Variants in CREB5 observed in about 807,000 individuals in gnomAD.
CREB5 encodes cyclic AMP-responsive element-binding protein 5.
A neutral mutation model predicts 57.1 loss-of-function variants in CREB5; 19 were observed. That is an observed-to-expected ratio of 0.33 (90% CI 0.23 to 0.49). The LOEUF (loss-of-function observed/expected upper bound fraction) is 0.49, where lower values mean the gene tolerates loss of function less well. CREB5 is among the 20% of genes least tolerant of loss of function. The probability of loss-of-function intolerance (pLI) is 0.99; values close to 1 mark genes in which losing one functional copy is unlikely to be tolerated. For missense variants in CREB5, 579 were observed against 671.6 expected, an observed-to-expected ratio of 0.86 and a Z score of 1.52; for synonymous variants, 238 against 238.3, an observed-to-expected ratio of 1.00 and a Z score of 0.01.
At chr7:28,767,076 T>C (rs1270971406) in intron 7 of CREB5, among the ~76,000 whole-genome samples, 1 of 152,250 alleles carries the variant, frequency 6.6e-6, no homozygotes, top group Admixed American at 6.5e-5. Flanking sequence ...TTAAACTGCA[T>C]ACTAGGGGAA....
At chr7:28,334,353 C>T (rs1785773408) in intron 1 of CREB5, among the ~76,000 whole-genome samples, 1 of 151,988 alleles carries the variant, frequency 6.6e-6, no homozygotes, top group South Asian at 2.1e-4. Context: ...GACGGGGTTT[C>T]ACCATGTTGC....
intron 5 of CREB5, among the ~76,000 whole-genome samples, chr7:28,650,869 G>T (rs74863774): frequency 1.3e-5 from 2 of 152,186 alleles, no homozygotes; most frequent in East Asian, 3.9e-4. Flanking sequence ...TTGGACATTG[G>T]CATATTGGAT....
intron 5 of CREB5, among the ~76,000 whole-genome samples, chr7:28,636,578 A>G (rs1033524678): frequency 6.6e-6 from 1 of 152,194 alleles, no homozygotes; most frequent in Non-Finnish European, 1.5e-5. Context: ...TGTAAACTCC[A>G]TGATGATTGA....
intron 1 of CREB5, among the ~76,000 whole-genome samples, chr7:28,310,024 T>C (rs1785248541): frequency 6.6e-6 from 1 of 151,478 alleles, no homozygotes; most frequent in Non-Finnish European, 1.5e-5. Flanking sequence ...GTTCATGGAG[T>C]AGCTGCATTG....
chr7:28,672,925 TAA>T (rs1264488147), intron 5 of CREB5, among the ~76,000 whole-genome samples: 3 of 152,238 alleles, frequency 2.0e-5, no homozygotes, highest in Admixed American at 6.5e-5. Context: ...TCTTTTTCCA[TAA>T]ATTTGAAGTA....
chr7:28,766,307 C>G (rs1393020639), intron 7 of CREB5, among the ~76,000 whole-genome samples: 3 of 152,094 alleles, frequency 2.0e-5, no homozygotes, highest in African/African-American at 7.2e-5. Context: ...ACAAGCACCC[C>G]CTACTCTGGA....
chr7:28,551,007 A>G (rs1317817965), intron 4 of CREB5, among the ~76,000 whole-genome samples: 10 of 152,174 alleles, frequency 6.6e-5, no homozygotes, highest in Non-Finnish European at 1.5e-4. Flanking sequence ...TGAATACTTG[A>G]TGTGGATTTG....
chr7:28,356,989 G>A (rs962193653), intron 1 of CREB5, among the ~76,000 whole-genome samples: 1 of 151,604 alleles, frequency 6.6e-6, no homozygotes, highest in Non-Finnish European at 1.5e-5. Context: ...ATTATATAGC[G>A]GAGGAAGCTG....
chr7:28,356,013 G>C (rs960244433), intron 1 of CREB5, among the ~76,000 whole-genome samples: 2 of 152,204 alleles, frequency 1.3e-5, no homozygotes, highest in African/African-American at 4.8e-5. Context: ...TTGTTCCACT[G>C]AGTGACACTA....
chr7:28,529,745 C>A (rs1390776308), intron 4 of CREB5, among the ~76,000 whole-genome samples: 2 of 152,196 alleles, frequency 1.3e-5, no homozygotes, highest in Non-Finnish European at 2.9e-5. Context: ...CAAGTGAAAG[C>A]TGCACAGAGA....
At chr7:28,745,184 G>A (rs530883867) in intron 7 of CREB5, among the ~76,000 whole-genome samples, 8 of 152,250 alleles carry the variant, frequency 5.3e-5, no homozygotes, top group East Asian at 3.9e-4. Flanking sequence ...AGTTGTAGTC[G>A]CTCTTTCAAT....
At chr7:28,460,846 A>C (rs551568565) in intron 1 of CREB5, among the ~76,000 whole-genome samples, 11 of 152,186 alleles carry the variant, frequency 7.2e-5, no homozygotes, top group African/African-American at 2.6e-4. Context: ...GGAGAAAAGT[A>C]GTTGGAAAAG....
chr7:28,329,524 C>G (rs1785674882), intron 1 of CREB5, among the ~76,000 whole-genome samples: 1 of 152,222 alleles, frequency 6.6e-6, no homozygotes, highest in Non-Finnish European at 1.5e-5. Flanking sequence ...TCCCAAAAAT[C>G]AAAATGATAT....
At chr7:28,551,883 T>TTTTC (rs1321510790) in intron 4 of CREB5, among the ~76,000 whole-genome samples, 4 of 151,076 alleles carry the variant, frequency 2.6e-5, no homozygotes, top group East Asian at 1.9e-4. Context: ...TCTTTCTTTC[T>TTTTC]TTTCTTTCTT....
chr7:28,440,677 A>G (rs1358777728), intron 1 of CREB5, among the ~76,000 whole-genome samples: 1 of 152,242 alleles, frequency 6.6e-6, no homozygotes, highest in Non-Finnish European at 1.5e-5. Context: ...ATGATGGGGC[A>G]CACAGAGCCA....
chr7:28,790,447 AG>A, intron 7 of CREB5, among the ~76,000 whole-genome samples: 1 of 44,390 alleles, frequency 2.3e-5, no homozygotes, highest in Admixed American at 1.7e-4. Context: ...AGAGAGAGAG[AG>A]AGAGAGAGAG....
chr7:28,592,057 A>G (rs746321146), intron 5 of CREB5, among the ~76,000 whole-genome samples: 3 of 152,242 alleles, frequency 2.0e-5, no homozygotes, highest in Non-Finnish European at 4.4e-5. Context: ...AGTTAGTCTT[A>G]TCAGATCAGG....
chr7:28,347,840 G>A (rs767075945), intron 1 of CREB5, among the ~76,000 whole-genome samples: 4 of 152,120 alleles, frequency 2.6e-5, no homozygotes, highest in Non-Finnish European at 4.4e-5. Flanking sequence ...TAGTTGCATC[G>A]ACTCTGTCCA....
chr7:28,804,561 C>T (rs761339228), intron 8 of CREB5, 39 bp downstream of exon 8: 6 of 1,599,860 alleles, frequency 3.8e-6, no homozygotes, highest in East Asian at 2.2e-5. Flanking sequence ...TTCTTATTCT[C>T]CTTCTTAACA....
Sources: gnomAD v4.1 joint callset for allele counts (sites outside exome capture counted in the v4.1 genomes callset) on GRCh38, gnomAD v4.1.1 for gene constraint, MANE v1.5 for transcripts, NCBI Gene and HGNC (gene_info 2026-07-23, HGNC 2026-07-21) for gene names.